NAALAD2: variants seen among roughly 807,000 people sequenced by gnomAD.
NAALAD2 encodes the protein N-acetylated-alpha-linked acidic dipeptidase 2.
In NAALAD2, 89 loss-of-function variants were observed where a neutral mutation model predicts 95.6. The observed-to-expected ratio is 0.93, with a 90% CI of 0.78 to 1.11. NAALAD2 has a LOEUF of 1.11. Ranked by LOEUF, NAALAD2 falls within the 50% of genes least tolerant of loss-of-function variation. NAALAD2 has a pLI of 0.00. For missense variants in NAALAD2, 894 were observed against 872.4 expected (o/e 1.02, Z -0.31); for synonymous variants, 264 against 294.4 (o/e 0.90, Z 1.06).
rs1857338207 is a variant in NAALAD2 at position 90,191,851 on chromosome 11, G to A, written c.*104G>A. On this transcript the variant is annotated 3_prime_UTR_variant, in exon 19 of 19. Coordinates refer to ENST00000534061, the MANE Select transcript of NAALAD2 (RefSeq NM_005467.4). ...CCAGGGTGTTCTAAACTCTTTTCAT[G>A]TCATGTTTTGATTATAGGCTTTGGT... The A allele has an allele frequency of 1.1e-6, 1 of 873,622 alleles. No individual in the cohort carries two copies. Among genetic ancestry groups the A allele is most frequent in the African/African-American group, 1.7e-5 (1 of 57,544 alleles). 54.1% of individuals were successfully genotyped at this position (873,622 alleles called of 1,614,324 possible).
intron 10 of NAALAD2, 22 bp downstream of exon 10, chr11:90,163,451 G>A (rs754460360): frequency 1.2e-6 from 2 of 1,613,290 alleles, no homozygotes; most frequent in Middle Eastern, 1.7e-4. Flanking sequence ...TTCTTTCCTA[G>A]GTGATGACAA....
intron 6 of NAALAD2, among the ~76,000 whole-genome samples, chr11:90,157,609 G>A (rs1265832088): frequency 6.6e-6 from 1 of 152,104 alleles, no homozygotes; most frequent in Non-Finnish European, 1.5e-5. Context: ...AGAAAATTAT[G>A]TGAAATGTCA....
intron 8 of NAALAD2, among the ~76,000 whole-genome samples, chr11:90,161,049 C>A (rs1952280754): frequency 6.6e-6 from 1 of 152,064 alleles, no homozygotes; most frequent in South Asian, 2.1e-4. Context: ...AACAAAACAT[C>A]AGTAGAGAAA....
At position 90,192,462 on chromosome 11, in the gene NAALAD2, G is replaced by C. The variant is rs991846002; in HGVS notation, c.*715G>C. ...TGCCTGGGCCAAGTGGCAGGTTGGGGAGGATGGCTGCAAAGAAGTATGAGG... is the reference window on the plus strand; with the variant it reads ...TGCCTGGGCCAAGTGGCAGGTTGGGCAGGATGGCTGCAAAGAAGTATGAGG... On this transcript the variant is annotated 3_prime_UTR_variant, in exon 19 of 19. Coordinates refer to ENST00000534061, the MANE Select transcript of NAALAD2 (RefSeq NM_005467.4). 1 of 152,046 alleles carries C rather than the reference G, an allele frequency of 6.6e-6. No individual in the cohort carries two copies. The highest frequency in any genetic ancestry group is 1.9e-4 in the East Asian group (1 of 5,202). 9.4% of individuals were successfully genotyped at this position (152,046 alleles called of 1,614,324 possible). A position where few individuals can be genotyped will look rare whatever the true frequency, so the allele number is the denominator to read the frequency against.
At chr11:90,152,000 T>A (rs960254438) in intron 5 of NAALAD2, among the ~76,000 whole-genome samples, 1 of 152,148 alleles carries the variant, frequency 6.6e-6, no homozygotes, top group African/African-American at 2.4e-5. Flanking sequence ...TTAAGAGCTA[T>A]CCTATAATAT....
In NAALAD2 at chr11:90,159,288, A is replaced by T; in HGVS notation, c.940A>T (p.Asn314Tyr). The T allele has an allele frequency of 1.2e-6, 2 of 1,613,874 alleles. No individual in the cohort carries two copies. Among genetic ancestry groups the T allele is most frequent in the Non-Finnish European group, 1.7e-6 (2 of 1,179,864 alleles). The change falls in exon 8 of 19, where the codon AAT (asparagine) becomes TAT (tyrosine). Residue 314 changes from asparagine (N) to tyrosine (Y), a missense_variant. Physicochemically the swap from Asn to Tyr is moderately radical, Grantham distance 143. Transcript: ENST00000534061. ...AGATAAGAGTTGGAAGGGAGCCCTTAATGTGAGTTATAGTATCGGACCTGG... is the reference window on the plus strand; with the variant it reads ...AGATAAGAGTTGGAAGGGAGCCCTTTATGTGAGTTATAGTATCGGACCTGG... ...PPDKSWKGALNVSYSIGPGFT... is the reference protein window; with the variant it reads ...PPDKSWKGALYVSYSIGPGFT...
chr11:90,151,328 T>C (rs1943352), intron 5 of NAALAD2, among the ~76,000 whole-genome samples: 68,483 of 151,960 alleles, frequency 0.45, 16,460 homozygotes, highest in African/African-American at 0.62. Flanking sequence ...TCTATATAAC[T>C]GCTTATTAAT....
chr11:90,186,393 G>A lies in NAALAD2; in HGVS notation c.2033+3385G>A, dbSNP rs1251534911. The stretch of plus-strand genomic sequence containing the variant: ...TTATGGCTGCATAGTATTCCATGGT[G>A]TATATGTGCCACATTTTCTTAATCC... On this transcript the variant is annotated intron_variant, in intron 18 of 18. Transcript: ENST00000534061. 5.9e-5 allele frequency among the ~76,000 whole-genome samples: 9 copies of A among 152,212 alleles called. 1 individual carries two copies. The East Asian group carries it at 1.7e-3, about 29-fold the overall frequency.
At chr11:90,167,487 C>G (rs944355841) in intron 11 of NAALAD2, among the ~76,000 whole-genome samples, 1 of 152,180 alleles carries the variant, frequency 6.6e-6, no homozygotes, top group Non-Finnish European at 1.5e-5. Flanking sequence ...TGCTCCACGG[C>G]GACCAGTCCC....
chr11:90,191,867 A>T lies in NAALAD2; in HGVS notation c.*120A>T. ...TCTTTTCATGTCATGTTTTGATTAT[A>T]GGCTTTGGTCTTTTCATCTGCAAAG... is the stretch of plus-strand genomic sequence containing the variant. On this transcript the variant is annotated 3_prime_UTR_variant, in exon 19 of 19. Transcript: ENST00000534061. The T allele has an allele frequency of 2.7e-6, 2 of 739,314 alleles. No individual in the cohort carries two copies. Among genetic ancestry groups the T allele is most frequent in the South Asian group, 4.7e-5 (1 of 21,218 alleles). The allele number at this position is 739,314 out of a possible 1,614,324, so 45.8% of individuals were successfully genotyped here.
chr11:90,177,595 T>TG (rs1952836270), intron 15 of NAALAD2, among the ~76,000 whole-genome samples: 1 of 49,110 alleles, frequency 2.0e-5, no homozygotes, highest in Admixed American at 2.7e-4. Context: ...TGTTTTTTTT[T>TG]TTTTTTTTTT....
At chr11:90,186,273 C>T (rs905814725) in intron 18 of NAALAD2, among the ~76,000 whole-genome samples, 25 of 150,486 alleles carry the variant, frequency 1.7e-4, no homozygotes, top group South Asian at 4.2e-4. Flanking sequence ...TGAGAATATG[C>T]GGTGTTTGGT....
chr11:90,181,480 T>C (rs953336490), intron 16 of NAALAD2, 140 bp from the exon 17 acceptor site: 2 of 620,348 alleles, frequency 3.2e-6, no homozygotes, highest in Admixed American at 3.3e-5. Flanking sequence ...TCTACTAATT[T>C]TCATGGATCT....
chr11:90,177,562 A>G (rs1346971477), intron 15 of NAALAD2, among the ~76,000 whole-genome samples: 3 of 87,094 alleles, frequency 3.4e-5, no homozygotes, highest in Non-Finnish European at 7.2e-5. Flanking sequence ...AGGGTGTTAT[A>G]TGGTTGTATT....
chr11:90,171,538 T>A (rs10765262), intron 13 of NAALAD2, among the ~76,000 whole-genome samples: 1 of 151,894 alleles, frequency 6.6e-6, no homozygotes, highest in Non-Finnish European at 1.5e-5. Flanking sequence ...AGATGATCCC[T>A]GGCCTTGATG....
chr11:90,181,691 G>T lies in NAALAD2; in HGVS notation c.1930G>T (p.Asp644Tyr). ...SDFHKRLIQV[D>Y]LNNPIAVRMM... ...TTTTCATAAACGACTTATACAAGTT[G>T]ATCTTAACAAGTAAGTTTCAAATCC... Residue 644 changes from aspartate (D) to tyrosine (Y), a missense_variant, in exon 17 of 19, where the codon GAT (aspartate) becomes TAT (tyrosine). By Grantham distance (160) the Asp-to-Tyr change is radical. Coordinates refer to ENST00000534061, the MANE Select transcript of NAALAD2 (RefSeq NM_005467.4). 1.3e-6 allele frequency: 2 copies of T among 1,567,184 alleles called. No homozygotes were observed. The highest frequency in any genetic ancestry group is 1.2e-5 in the South Asian group (1 of 85,706).
chr11:90,177,586 G>GTTTTGTTTTTTTTTTTTTTT (rs1952833043), intron 15 of NAALAD2, among the ~76,000 whole-genome samples: 4 of 28,456 alleles, frequency 1.4e-4, no homozygotes, highest in Admixed American at 5.3e-4. Flanking sequence ...TCTTTTTCTT[G>GTTTTGTTTTTTTTTTTTTTT]TTTTTTTTTT....
Position 90,162,079 on chromosome 11 carries a change from T to A in NAALAD2, c.990-870T>A, listed in dbSNP as rs556627401. ...TATACAAGTTTCGGGGGCTTATTCA[T>A]TCTTCCATTAAAAAACGATCACAAA... On this transcript the variant is annotated intron_variant, in intron 8 of 18. Transcript: ENST00000534061. 3.3e-5 allele frequency among the ~76,000 whole-genome samples: 5 copies of A among 152,266 alleles called. No individual in the cohort carries two copies. The South Asian group carries it at 1.0e-3, about 32-fold the overall frequency.
At position 90,191,650 on chromosome 11, in the gene NAALAD2, C is replaced by T; in HGVS notation, c.2126C>T (p.Ala709Val). ...GCTATCTTTGATATTGAAAATAAAGCCAACTCTCGTTTGGCCTGGAAAGAA... is the reference window on the plus strand; with the variant it reads ...GCTATCTTTGATATTGAAAATAAAGTCAACTCTCGTTTGGCCTGGAAAGAA... ...YDAIFDIENKANSRLAWKEVK... is the reference protein window; with the variant it reads ...YDAIFDIENKVNSRLAWKEVK... Residue 709 changes from alanine to valine, a missense_variant, in exon 19 of 19, where the codon GCC becomes GTC. By Grantham distance (64) the Ala-to-Val change is moderately conservative (BLOSUM62 0). Transcript: ENST00000534061. 1.9e-6 allele frequency: 3 copies of T among 1,606,742 alleles called. No individual in the cohort carries two copies. The highest frequency in any genetic ancestry group is 2.5e-6 in the Non-Finnish European group (3 of 1,176,612).
Sources: gnomAD v4.1 joint callset for allele counts (sites outside exome capture counted in the v4.1 genomes callset) on GRCh38, gnomAD v4.1.1 for gene constraint, MANE v1.5 for transcripts, NCBI Gene and HGNC (gene_info 2026-07-23, HGNC 2026-07-21) for gene names.